The following SIL1 variants were observed in gnomAD, a reference collection of about 807,000 sequenced individuals.
SIL1 encodes SIL1 nucleotide exchange factor.
Under a neutral mutation model 49.1 loss-of-function variants are expected in SIL1, and 40 were observed. That is an observed-to-expected ratio of 0.81 (90% CI 0.63 to 1.06). The LOEUF (loss-of-function observed/expected upper bound fraction) is 1.06, where lower values mean the gene tolerates loss of function less well. Among genes scored for constraint, SIL1 ranks in the 50% least tolerant of loss-of-function variants. The pLI is 0.00. For missense variants in SIL1, 500 were observed against 572.6 expected, an observed-to-expected ratio of 0.87 and a Z score of 1.29; for synonymous variants, 253 against 250.8, an observed-to-expected ratio of 1.01 and a Z score of -0.08.
intron 6 of SIL1, among the ~76,000 whole-genome samples, chr5:139,025,316 C>A (rs942815660): frequency 2.6e-5 from 4 of 152,170 alleles, no homozygotes; most frequent in African/African-American, 9.7e-5. Context: ...GTCAGACAGA[C>A]CTTGCTGCAA....
chr5:138,951,944 G>C (rs1766790341), intron 7 of SIL1, 60 bp from the exon 8 acceptor site: 3 of 1,460,752 alleles, frequency 2.1e-6, no homozygotes, highest in East Asian at 2.3e-5. Context: ...CGGATGGTCA[G>C]GGAACTGAGC....
intron 7 of SIL1, among the ~76,000 whole-genome samples, chr5:138,960,675 C>T (rs1219935499): frequency 6.6e-6 from 1 of 152,144 alleles, no homozygotes; most frequent in Non-Finnish European, 1.5e-5. Flanking sequence ...AGGCTGGTCT[C>T]GAACTCCTGG....
intron 1 of SIL1, among the ~76,000 whole-genome samples, chr5:139,134,176 G>A (rs142777154): frequency 2.0e-5 from 3 of 152,282 alleles, no homozygotes; most frequent in East Asian, 3.9e-4. Flanking sequence ...GGAGTGCAAT[G>A]ACACAATCTC....
intron 4 of SIL1, among the ~76,000 whole-genome samples, chr5:139,050,417 T>C (rs1769260269): frequency 6.6e-6 from 1 of 152,264 alleles, no homozygotes; most frequent in Non-Finnish European, 1.5e-5. Context: ...ATAACCTGGT[T>C]ATTGAGAAAT....
At chr5:139,172,064 A>G (rs1428471794) in intron 1 of SIL1, among the ~76,000 whole-genome samples, 1 of 152,214 alleles carries the variant, frequency 6.6e-6, no homozygotes, top group Non-Finnish European at 1.5e-5. Flanking sequence ...AAGTCTGAGG[A>G]AAAGAAGCAC....
At chr5:139,006,620 T>G (rs1469323871) in intron 7 of SIL1, among the ~76,000 whole-genome samples, 1 of 152,036 alleles carries the variant, frequency 6.6e-6, no homozygotes. Context: ...TTAATCCATC[T>G]TGAATTGATT....
chr5:139,095,179 T>C (rs2151778705), intron 3 of SIL1, among the ~76,000 whole-genome samples: 1 of 152,182 alleles, frequency 6.6e-6, no homozygotes, highest in Non-Finnish European at 1.5e-5. Flanking sequence ...TCTTTAGAAA[T>C]GAGTCAGTAA....
chr5:138,967,337 C>A (rs1435768246), intron 7 of SIL1, among the ~76,000 whole-genome samples: 1 of 152,214 alleles, frequency 6.6e-6, no homozygotes, highest in Non-Finnish European at 1.5e-5. Flanking sequence ...TGCATTTTAA[C>A]AAGGCTTCCA....
At chr5:139,169,483 T>A (rs1422949598) in intron 1 of SIL1, among the ~76,000 whole-genome samples, 1 of 151,602 alleles carries the variant, frequency 6.6e-6, no homozygotes, top group Non-Finnish European at 1.5e-5. Context: ...TAGATTTTTT[T>A]TTTTTTTTTT....
chr5:139,039,555 T>C (rs1253091933), intron 5 of SIL1, among the ~76,000 whole-genome samples: 2 of 152,172 alleles, frequency 1.3e-5, no homozygotes, highest in African/African-American at 2.4e-5. Flanking sequence ...CTAAAATATA[T>C]AGAGGACAAA....
At chr5:139,044,981 G>T (rs1285522294) in intron 4 of SIL1, among the ~76,000 whole-genome samples, 1 of 152,070 alleles carries the variant, frequency 6.6e-6, no homozygotes, top group Non-Finnish European at 1.5e-5. Context: ...AATAATTGAT[G>T]ACCAAATCCG....
intron 7 of SIL1, among the ~76,000 whole-genome samples, chr5:138,967,799 C>A: frequency 6.6e-6 from 1 of 152,034 alleles, no homozygotes; most frequent in African/African-American, 2.4e-5. Flanking sequence ...TGCTTTCCCC[C>A]GCCCCCAACA....
chr5:138,997,770 A>C (rs1767902495), intron 7 of SIL1, among the ~76,000 whole-genome samples: 1 of 152,050 alleles, frequency 6.6e-6, no homozygotes, highest in African/African-American at 2.4e-5. Context: ...CGTTGGTCAG[A>C]CTGGTCTTGA....
chr5:139,115,543 CT>C (rs2151790489), intron 3 of SIL1, among the ~76,000 whole-genome samples: 1 of 152,204 alleles, frequency 6.6e-6, no homozygotes, highest in South Asian at 2.1e-4. Flanking sequence ...ATGGCCAATG[CT>C]TTAATCAATT....
At chr5:139,121,228 G>GA (rs1032769425) in intron 2 of SIL1, 55 bp from the exon 3 acceptor site, 83 of 1,610,138 alleles carry the variant, frequency 5.2e-5, no homozygotes, top group South Asian at 5.5e-5. Flanking sequence ...CAGGTAAGCA[G>GA]AAAAAAAATG....
intron 7 of SIL1, among the ~76,000 whole-genome samples, chr5:139,008,512 T>C (rs1447936310): frequency 7.3e-6 from 1 of 137,220 alleles, no homozygotes. Context: ...AGCTTTTGAA[T>C]GTGTTTGCTC....
Position 139,121,143 on chromosome 5 carries a change from T to G in SIL1, c.136A>C (p.Ser46Arg). The change falls in exon 3 of 10, where the codon AGC becomes CGC. Residue 46 changes from serine (S) to arginine (R), a missense_variant. Coordinates refer to ENST00000394817, the MANE Select transcript of SIL1 (RefSeq NM_022464.5). ...TTTCTCTCTGTTTCTTTGGTGCTGC[T>G]CTTCTCTGGGTTGGTCAGGGCAAAC... is the stretch of plus-strand genomic sequence containing the variant. The part of the protein sequence containing the change: ...KEFALTNPEK[S>R]STKETERKET... 1 of 1,614,166 alleles carries G rather than the reference T, an allele frequency of 6.2e-7. No homozygotes were observed. The highest frequency in any genetic ancestry group is 8.5e-7 in the Non-Finnish European group (1 of 1,180,020).
At chr5:139,004,521 C>T (rs1237106210) in intron 7 of SIL1, among the ~76,000 whole-genome samples, 1 of 152,168 alleles carries the variant, frequency 6.6e-6, no homozygotes, top group Non-Finnish European at 1.5e-5. Context: ...CAAATCTTCA[C>T]ATCTCTTAAC....
At chr5:139,136,888 C>A (rs566894118) in intron 1 of SIL1, among the ~76,000 whole-genome samples, 2 of 152,242 alleles carry the variant, frequency 1.3e-5, no homozygotes, top group African/African-American at 4.8e-5. Context: ...TGATGAAGAG[C>A]TACCCCACAA....
Sources: gnomAD v4.1 joint callset for allele counts (sites outside exome capture counted in the v4.1 genomes callset) on GRCh38, gnomAD v4.1.1 for gene constraint, MANE v1.5 for transcripts, NCBI Gene and HGNC (gene_info 2026-07-23, HGNC 2026-07-21) for gene names.